The following EPB41L4A variants were observed in gnomAD, a reference collection of about 807,000 sequenced individuals.
The protein encoded by EPB41L4A is band 4.1-like protein 4A.
In EPB41L4A, 100 loss-of-function variants were observed where a neutral mutation model predicts 108.6. The observed-to-expected ratio is 0.92, with a 90% confidence interval of 0.78 to 1.09. EPB41L4A has a LOEUF of 1.09. Ranked by LOEUF, EPB41L4A falls within the 50% of genes least tolerant of loss-of-function variation. The pLI is 0.00. For missense variants in EPB41L4A, 1,030 were observed against 842.7 expected, an observed-to-expected ratio of 1.22 and a Z score of -2.75; for synonymous variants, 319 against 289.0, an observed-to-expected ratio of 1.10 and a Z score of -1.05.
chr5:112,209,526 A>T (rs1354102213), intron 13 of EPB41L4A, among the ~76,000 whole-genome samples: 1 of 152,228 alleles, frequency 6.6e-6, no homozygotes, highest in East Asian at 1.9e-4. Flanking sequence ...TATAATGAAC[A>T]CAGTACATTA....
At chr5:112,354,197 A>G (rs1317716929) in intron 1 of EPB41L4A, among the ~76,000 whole-genome samples, 1 of 152,208 alleles carries the variant, frequency 6.6e-6, no homozygotes, top group Non-Finnish European at 1.5e-5. Context: ...TGCCTGGCAC[A>G]TAAGAACTCA....
At chr5:112,327,649 T>G (rs4957644) in intron 1 of EPB41L4A, among the ~76,000 whole-genome samples, 5 of 152,004 alleles carry the variant, frequency 3.3e-5, no homozygotes, top group African/African-American at 1.2e-4. Context: ...GCCCAAGAGT[T>G]TGAGGCTGCA....
At chr5:112,246,352 C>T (rs145796398) in intron 9 of EPB41L4A, among the ~76,000 whole-genome samples, 1 of 152,174 alleles carries the variant, frequency 6.6e-6, no homozygotes, top group East Asian at 1.9e-4. Context: ...CCATAGTGTT[C>T]CAATTGCCTG....
intron 12 of EPB41L4A, among the ~76,000 whole-genome samples, chr5:112,218,558 G>C (rs1366840034): frequency 1.3e-5 from 2 of 152,186 alleles, no homozygotes; most frequent in African/African-American, 2.4e-5. Flanking sequence ...GTCTAGGGCA[G>C]GTGGATAGTT....
chr5:112,156,759 T>C (rs1759662292), intron 12 of EPB41L4A, among the ~76,000 whole-genome samples: 1 of 152,098 alleles, frequency 6.6e-6, no homozygotes, highest in Non-Finnish European at 1.5e-5. Flanking sequence ...GCAATTCCAA[T>C]AAAAATCCCA....
intron 1 of EPB41L4A, among the ~76,000 whole-genome samples, chr5:112,374,828 G>T (rs1759710927): frequency 6.6e-6 from 1 of 152,122 alleles, no homozygotes; most frequent in South Asian, 2.1e-4. Context: ...ACTAAAAGAG[G>T]GGCCAAGTCT....
intron 1 of EPB41L4A, among the ~76,000 whole-genome samples, chr5:112,389,127 A>T (rs1760763273): frequency 6.6e-6 from 1 of 152,354 alleles, no homozygotes; most frequent in East Asian, 1.9e-4. Flanking sequence ...GAGAAAAAAC[A>T]AACACATGAT....
chr5:112,237,346 TTAAG>T, intron 11 of EPB41L4A, among the ~76,000 whole-genome samples: 1 of 152,310 alleles, frequency 6.6e-6, no homozygotes, highest in South Asian at 2.1e-4. Flanking sequence ...GATTTTTCCC[TTAAG>T]TAAGCACTAG....
chr5:112,296,650 G>C (rs1165631002), intron 2 of EPB41L4A, among the ~76,000 whole-genome samples: 1 of 152,044 alleles, frequency 6.6e-6, no homozygotes, highest in Non-Finnish European at 1.5e-5. Flanking sequence ...GTTAGGTATT[G>C]AGTTACATGA....
chr5:112,170,328 A>G lies in EPB41L4A; in HGVS notation c.1712T>C (p.Leu571Ser). Residue 571 changes from leucine to serine, a missense_variant, in exon 20 of 23, where the codon TTA (leucine) becomes TCA (serine). Physicochemically the swap from Leu to Ser is moderately radical, Grantham distance 145. Transcript: ENST00000261486. ...TATTTTAGTGTATGGAATCTCTTTT[A>G]ATTGTTCTTCGGACAATCCGGATGG... The part of the protein sequence containing the change: ...VDPSGLSEEQ[L>S]KEIPYTKIET... 1 of 1,613,328 alleles carries G rather than the reference A, an allele frequency of 6.2e-7. No homozygotes were observed. The highest frequency in any genetic ancestry group is 8.5e-7 in the Non-Finnish European group (1 of 1,179,640).
intron 15 of EPB41L4A, 25 bp downstream of exon 15, chr5:112,204,350 A>G: frequency 1.3e-6 from 2 of 1,505,240 alleles, no homozygotes; most frequent in Non-Finnish European, 1.8e-6. Context: ...GAAAGCTGCT[A>G]ACAGAGAGAT....
intron 1 of EPB41L4A, among the ~76,000 whole-genome samples, chr5:112,334,409 T>C (rs1756787980): frequency 6.6e-6 from 1 of 152,214 alleles, no homozygotes; most frequent in East Asian, 1.9e-4. Flanking sequence ...GCACCTTTTA[T>C]ATATCTCAAT....
intron 1 of EPB41L4A, among the ~76,000 whole-genome samples, chr5:112,333,394 C>T (rs932212686): frequency 1.3e-5 from 2 of 152,138 alleles, no homozygotes; most frequent in South Asian, 2.1e-4. Context: ...GGCTGGTCTC[C>T]GCAGGAAGCT....
At chr5:112,209,743 GTAT>G (rs1762641191) in intron 13 of EPB41L4A, 146 bp downstream of exon 13, 1 of 480,086 alleles carries the variant, frequency 2.1e-6, no homozygotes, top group African/African-American at 2.0e-5. Context: ...GTGTTTTAAT[GTAT>G]TATTTGGCCC....
At chr5:112,387,507 T>C (rs1389878553) in intron 1 of EPB41L4A, among the ~76,000 whole-genome samples, 1 of 152,080 alleles carries the variant, frequency 6.6e-6, no homozygotes, top group Non-Finnish European at 1.5e-5. Flanking sequence ...CAGGGGCCTG[T>C]AGTCCCAGCT....
chr5:112,279,139 A>T (rs1390654063), intron 3 of EPB41L4A, among the ~76,000 whole-genome samples: 1 of 151,966 alleles, frequency 6.6e-6, no homozygotes, highest in East Asian at 1.9e-4. Flanking sequence ...AATCGGTTCA[A>T]ATATGCTAGA....
At chr5:112,174,394 C>T (rs1760757671) in intron 18 of EPB41L4A, among the ~76,000 whole-genome samples, 1 of 152,124 alleles carries the variant, frequency 6.6e-6, no homozygotes, top group Non-Finnish European at 1.5e-5. Context: ...AAATAAATTC[C>T]TAAGGAAAGG....
At chr5:112,237,355 C>T (rs1174377659) in intron 11 of EPB41L4A, among the ~76,000 whole-genome samples, 1 of 152,104 alleles carries the variant, frequency 6.6e-6, no homozygotes, top group Non-Finnish European at 1.5e-5. Context: ...CTTAAGTAAG[C>T]ACTAGTTTTC....
At chr5:112,235,633 C>T (rs1414097514) in intron 11 of EPB41L4A, among the ~76,000 whole-genome samples, 1 of 152,118 alleles carries the variant, frequency 6.6e-6, no homozygotes, top group Non-Finnish European at 1.5e-5. Flanking sequence ...GTGAGTGTTT[C>T]CCCAAAAAAC....
Sources: gnomAD v4.1 joint callset for allele counts (sites outside exome capture counted in the v4.1 genomes callset) on GRCh38, gnomAD v4.1.1 for gene constraint, MANE v1.5 for transcripts, NCBI Gene and HGNC (gene_info 2026-07-23, HGNC 2026-07-21) for gene names.